GRID2: variants seen among roughly 807,000 people sequenced by gnomAD.
The protein encoded by GRID2 is glutamate ionotropic receptor delta type subunit 2.
Under a neutral mutation model 114.8 loss-of-function variants are expected in GRID2, and 33 were observed. The observed-to-expected ratio is 0.29, with a 90% confidence interval of 0.22 to 0.38. The LOEUF is 0.38. GRID2 is among the 10% of genes least tolerant of loss of function. The pLI, the probability that GRID2 is intolerant of heterozygous loss-of-function variation, is 1.00. For missense variants in GRID2, 1,184 were observed against 1,257.7 expected, an observed-to-expected ratio of 0.94 and a Z score of 0.89; for synonymous variants, 505 against 449.9, an observed-to-expected ratio of 1.12 and a Z score of -1.55.
chr4:93,398,544 G>C (rs151064792), intron 9 of GRID2, among the ~76,000 whole-genome samples: 5 of 151,788 alleles, frequency 3.3e-5, no homozygotes, highest in African/African-American at 9.7e-5. Flanking sequence ...TATTGGGAAG[G>C]ATTGTAGGTA....
intron 8 of GRID2, among the ~76,000 whole-genome samples, chr4:93,341,200 G>T (rs985094981): frequency 6.6e-6 from 1 of 151,916 alleles, no homozygotes; most frequent in Non-Finnish European, 1.5e-5. Context: ...AAGATAAAAG[G>T]TCCAAAATTT....
At chr4:93,531,585 T>C (rs939687948) in intron 13 of GRID2, among the ~76,000 whole-genome samples, 1 of 152,024 alleles carries the variant, frequency 6.6e-6, no homozygotes, top group Non-Finnish European at 1.5e-5. Flanking sequence ...AGACAGACAG[T>C]CTTTATTAAA....
intron 2 of GRID2, among the ~76,000 whole-genome samples, chr4:92,726,018 A>G (rs1007527955): frequency 1.3e-5 from 2 of 152,032 alleles, no homozygotes; most frequent in African/African-American, 4.8e-5. Context: ...ATTGTGCTTT[A>G]TATTATGCAT....
At chr4:93,645,149 A>T (rs2149713460) in intron 14 of GRID2, among the ~76,000 whole-genome samples, 1 of 152,336 alleles carries the variant, frequency 6.6e-6, no homozygotes, top group Non-Finnish European at 1.5e-5. Flanking sequence ...GAAGGAAAAG[A>T]TATTGTGAAC....
intron 2 of GRID2, among the ~76,000 whole-genome samples, chr4:92,715,098 G>T (rs186056839): frequency 6.6e-6 from 1 of 151,982 alleles, no homozygotes; most frequent in African/African-American, 2.4e-5. Context: ...CACCCAAGTC[G>T]CCTCTTTTGC....
At chr4:93,334,860 G>A (rs1481748300) in intron 8 of GRID2, among the ~76,000 whole-genome samples, 1 of 152,086 alleles carries the variant, frequency 6.6e-6, no homozygotes, top group East Asian at 1.9e-4. Context: ...GAACCCGGGA[G>A]GCAGAGGTTG....
intron 11 of GRID2, among the ~76,000 whole-genome samples, chr4:93,460,422 A>T (rs540153743): frequency 6.6e-6 from 1 of 151,800 alleles, no homozygotes; most frequent in South Asian, 2.1e-4. Flanking sequence ...ATTAGACTCT[A>T]CTCCCACTCT....
At chr4:93,486,683 T>C (rs913950122) in intron 11 of GRID2, among the ~76,000 whole-genome samples, 2 of 151,808 alleles carry the variant, frequency 1.3e-5, no homozygotes, top group Admixed American at 6.6e-5. Context: ...GCCAAACCAA[T>C]CTTGCTGTCC....
intron 13 of GRID2, among the ~76,000 whole-genome samples, chr4:93,520,194 T>C (rs1730193045): frequency 6.6e-6 from 1 of 152,148 alleles, no homozygotes. Context: ...GAATACCTAT[T>C]GTTTCCAAGT....
At position 93,696,000 on chromosome 4, in the gene GRID2, A is replaced by G. The variant is rs780293680; in HGVS notation, c.2360+69565A>G. Among the ~76,000 whole-genome samples, 66 of 152,316 alleles carry G rather than the reference A, an allele frequency of 4.3e-4. 1 individual carries two copies. The highest frequency in any genetic ancestry group is 8.4e-4 in the Non-Finnish European group (57 of 68,026). ...AGATTCCTTGGTAAAACCACACTAT[A>G]ACTTCACAAAGAACGTATTTACACA... On this transcript the variant is annotated intron_variant, in intron 14 of 15. Coordinates refer to ENST00000282020, the MANE Select transcript of GRID2 (RefSeq NM_001510.4).
chr4:93,414,901 C>T (rs1196272199), intron 9 of GRID2, among the ~76,000 whole-genome samples: 2 of 151,794 alleles, frequency 1.3e-5, no homozygotes, highest in Non-Finnish European at 2.9e-5. Context: ...ATAGAAATGC[C>T]ACTAATCCTG....
At chr4:93,239,036 A>G (rs1339013753) in intron 8 of GRID2, among the ~76,000 whole-genome samples, 1 of 150,750 alleles carries the variant, frequency 6.6e-6, no homozygotes, top group Non-Finnish European at 1.5e-5. Context: ...TTCATGAAAT[A>G]CTGGGACAAT....
At chr4:92,401,136 T>C (rs80305387) in intron 1 of GRID2, among the ~76,000 whole-genome samples, 4,937 of 152,208 alleles carry the variant, frequency 0.032, 260 homozygotes, top group African/African-American at 0.11. Flanking sequence ...GTGCTTTTGT[T>C]GTTATATATA....
rs569745601 is a variant in GRID2 at position 92,843,802 on chromosome 4, T to C, written c.245-241193T>C. Among the ~76,000 whole-genome samples, 82 of 152,258 alleles carry C rather than the reference T, an allele frequency of 5.4e-4. 1 individual carries two copies. In the Middle Eastern group the frequency reaches 0.024, roughly 44 times the overall value. The stretch of plus-strand genomic sequence containing the variant: ...TACTATACCAAATTCAACAAGTAGT[T>C]TAAGTTTTAGTTGCAATGTAGAATC... On this transcript the variant is annotated intron_variant, in intron 2 of 15. Transcript: ENST00000282020.
intron 1 of GRID2, among the ~76,000 whole-genome samples, chr4:93,794,759 T>A (rs59017862): frequency 0.088 from 13,466 of 152,162 alleles, 674 homozygotes; most frequent in African/African-American, 0.14. Flanking sequence ...CTTAACCAGT[T>A]TCTTCTTCCA....
chr4:93,017,140 AT>A lies in GRID2; in HGVS notation c.245-67851del, dbSNP rs1330813368. 3.3e-5 allele frequency among the ~76,000 whole-genome samples: 5 copies of A among 152,170 alleles called. No individual in the cohort carries two copies. The East Asian group carries it at 9.6e-4, about 29-fold the overall frequency. On this transcript the variant is annotated intron_variant, in intron 2 of 15. Transcript: ENST00000282020. Reference sequence around the variant, plus strand: ...AACTTATCTACATTTCAAAGGTAATATTTTGTTTCCCATGGGGATTTTTTAA... The same window carrying A: ...AACTTATCTACATTTCAAAGGTAATATTTGTTTCCCATGGGGATTTTTTAA...
chr4:92,983,671 T>G (rs1754349650), intron 2 of GRID2, among the ~76,000 whole-genome samples: 1 of 152,098 alleles, frequency 6.6e-6, no homozygotes, highest in African/African-American at 2.4e-5. Flanking sequence ...TTAGAACCCT[T>G]TAAGATGGAA....
intron 1 of GRID2, among the ~76,000 whole-genome samples, chr4:92,389,380 C>T (rs1730137294): frequency 6.6e-6 from 1 of 152,104 alleles, no homozygotes; most frequent in Middle Eastern, 3.4e-3. Context: ...AAATCAGTGA[C>T]TCTGATATGA....
intron 10 of GRID2, among the ~76,000 whole-genome samples, chr4:93,447,304 T>C (rs1223698464): frequency 6.6e-6 from 1 of 151,982 alleles, no homozygotes; most frequent in Non-Finnish European, 1.5e-5. Context: ...AAACAAAATA[T>C]GAAGCCATTA....
Sources: gnomAD v4.1 joint callset for allele counts (sites outside exome capture counted in the v4.1 genomes callset) on GRCh38, gnomAD v4.1.1 for gene constraint, MANE v1.5 for transcripts, NCBI Gene and HGNC (gene_info 2026-07-23, HGNC 2026-07-21) for gene names.